PLCB1: variants seen among roughly 807,000 people sequenced by gnomAD.
PLCB1 encodes the protein phospholipase C beta 1.
PLCB1 carries 46 observed loss-of-function variants against 161.8 expected under a neutral mutation model. The ratio of observed to expected loss-of-function variants is 0.28; its 90% CI spans 0.22 to 0.36. The LOEUF (loss-of-function observed/expected upper bound fraction) is 0.36, where lower values mean the gene tolerates loss of function less well. Ranked by LOEUF, PLCB1 falls within the 10% of genes least tolerant of loss-of-function variation. The pLI, the probability that PLCB1 is intolerant of heterozygous loss-of-function variation, is 1.00. For missense variants in PLCB1, 1,016 were observed against 1,472.5 expected (o/e 0.69, Z 5.07); for synonymous variants, 517 against 503.7 (o/e 1.03, Z -0.35).
chr20:8,730,223 G>A (rs1457135615), intron 18 of PLCB1, among the ~76,000 whole-genome samples: 1 of 151,882 alleles, frequency 6.6e-6, no homozygotes, highest in African/African-American at 2.4e-5. Flanking sequence ...CTCACCCCAG[G>A]ATGAAAGCCT....
chr20:8,572,077 A>C (rs956192244), intron 3 of PLCB1, among the ~76,000 whole-genome samples: 2 of 152,214 alleles, frequency 1.3e-5, no homozygotes, highest in African/African-American at 4.8e-5. Context: ...TCATTCTTAC[A>C]TTGTGCAATG....
At chr20:8,604,450 T>C (rs1987698390) in intron 3 of PLCB1, among the ~76,000 whole-genome samples, 1 of 152,116 alleles carries the variant, frequency 6.6e-6, no homozygotes, top group East Asian at 1.9e-4. Context: ...TTTTTACACA[T>C]ATGATATGAT....
intron 31 of PLCB1, among the ~76,000 whole-genome samples, chr20:8,832,250 A>C (rs1986049370): frequency 1.3e-5 from 2 of 152,176 alleles, no homozygotes; most frequent in Non-Finnish European, 2.9e-5. Flanking sequence ...GCTATAATAA[A>C]ATTTAGCATC....
intron 2 of PLCB1, among the ~76,000 whole-genome samples, chr20:8,181,533 A>G (rs1007138842): frequency 2.6e-5 from 4 of 152,210 alleles, no homozygotes; most frequent in African/African-American, 2.4e-5. Context: ...TTATAAGCCA[A>G]TATGCCAAAA....
chr20:8,556,771 A>G (rs1317569596), intron 3 of PLCB1, among the ~76,000 whole-genome samples: 1 of 151,780 alleles, frequency 6.6e-6, no homozygotes, highest in Non-Finnish European at 1.5e-5. Context: ...TAGAGACTTC[A>G]GAGTCCATAC....
At chr20:8,463,710 A>AT (rs886453816) in intron 3 of PLCB1, among the ~76,000 whole-genome samples, 2 of 152,148 alleles carry the variant, frequency 1.3e-5, no homozygotes, top group African/African-American at 4.8e-5. Flanking sequence ...TACTCCAGAA[A>AT]TTTTGGCTTG....
At chr20:8,688,846 A>G (rs2123408470) in intron 10 of PLCB1, among the ~76,000 whole-genome samples, 1 of 152,262 alleles carries the variant, frequency 6.6e-6, no homozygotes, top group African/African-American at 2.4e-5. Flanking sequence ...TTGGTTCCGT[A>G]TGAATTTTAG....
intron 2 of PLCB1, among the ~76,000 whole-genome samples, chr20:8,246,580 A>T (rs762300135): frequency 1.3e-5 from 2 of 151,970 alleles, no homozygotes; most frequent in Non-Finnish European, 2.9e-5. Flanking sequence ...ACCAGGACAC[A>T]TAGCAGAAGG....
chr20:8,574,108 A>T (rs1986604245), intron 3 of PLCB1, among the ~76,000 whole-genome samples: 1 of 152,238 alleles, frequency 6.6e-6, no homozygotes, highest in Non-Finnish European at 1.5e-5. Context: ...ATCTTATTTA[A>T]AATGCTGTGG....
At chr20:8,419,397 A>G (rs1012050732) in intron 3 of PLCB1, among the ~76,000 whole-genome samples, 6 of 152,202 alleles carry the variant, frequency 3.9e-5, no homozygotes, top group Non-Finnish European at 7.4e-5. Context: ...ATATGGTTCC[A>G]GAATTTACAA....
intron 2 of PLCB1, among the ~76,000 whole-genome samples, chr20:8,231,653 G>A (rs6086374): frequency 0.65 from 98,554 of 151,954 alleles, 32,323 homozygotes; most frequent in East Asian, 0.75. Flanking sequence ...TTCTTTGCAC[G>A]CATTCCCAAG....
chr20:8,477,454 G>A (rs1325149870), intron 3 of PLCB1, among the ~76,000 whole-genome samples: 3 of 152,146 alleles, frequency 2.0e-5, no homozygotes, highest in African/African-American at 7.2e-5. Context: ...AAATAATAAG[G>A]AGAGAACACC....
intron 2 of PLCB1, among the ~76,000 whole-genome samples, chr20:8,258,558 C>A (rs1981538885): frequency 6.6e-6 from 1 of 151,924 alleles, no homozygotes; most frequent in South Asian, 2.1e-4. Context: ...AAGTGCTAGA[C>A]CTTAAAAATC....
At chr20:8,547,351 G>A (rs1428082190) in intron 3 of PLCB1, among the ~76,000 whole-genome samples, 6 of 152,130 alleles carry the variant, frequency 3.9e-5, no homozygotes, top group Admixed American at 3.3e-4. Flanking sequence ...GTCCACCACA[G>A]ATTTGGATCA....
At chr20:8,199,471 A>C (rs560057465) in intron 2 of PLCB1, among the ~76,000 whole-genome samples, 2 of 152,340 alleles carry the variant, frequency 1.3e-5, no homozygotes, top group East Asian at 3.9e-4. Context: ...TGTTTGCCGA[A>C]ATAAATCTTT....
intron 27 of PLCB1, among the ~76,000 whole-genome samples, chr20:8,785,928 G>A (rs1983461301): frequency 6.6e-6 from 1 of 152,114 alleles, no homozygotes; most frequent in South Asian, 2.1e-4. Flanking sequence ...GGGAGACTTA[G>A]CAGTGGCTTG....
intron 2 of PLCB1, among the ~76,000 whole-genome samples, chr20:8,215,481 GT>G (rs1368894698): frequency 6.6e-6 from 1 of 151,980 alleles, no homozygotes; most frequent in African/African-American, 2.4e-5. Flanking sequence ...GCCATAGTAT[GT>G]TTTTGGAAGG....
At chr20:8,643,842 C>T (rs1316925159) in intron 4 of PLCB1, among the ~76,000 whole-genome samples, 6 of 148,478 alleles carry the variant, frequency 4.0e-5, no homozygotes, top group Non-Finnish European at 6.0e-5. Flanking sequence ...CCTCTGATGC[C>T]GAGCCAAAGC....
chr20:8,249,943 T>G (rs1981055645), intron 2 of PLCB1, among the ~76,000 whole-genome samples: 2 of 152,040 alleles, frequency 1.3e-5, no homozygotes, highest in South Asian at 2.1e-4. Context: ...ATGAGGATGG[T>G]GGGTTAGAAG....
Sources: gnomAD v4.1 joint callset for allele counts (sites outside exome capture counted in the v4.1 genomes callset) on GRCh38, gnomAD v4.1.1 for gene constraint, MANE v1.5 for transcripts, NCBI Gene and HGNC (gene_info 2026-07-23, HGNC 2026-07-21) for gene names.